SLC44A1: variants seen among roughly 807,000 people sequenced by gnomAD.
SLC44A1 encodes the protein solute carrier family 44 member 1, also known as choline transporter-like protein 1.
In SLC44A1, 26 loss-of-function variants were observed where a neutral mutation model predicts 79.3. The observed-to-expected ratio is 0.33, with a 90% confidence interval of 0.24 to 0.46. The LOEUF is 0.46. SLC44A1 is among the 20% of genes least tolerant of loss of function. SLC44A1 has a pLI of 1.00. For missense variants in SLC44A1, 688 were observed against 798.1 expected, an observed-to-expected ratio of 0.86 and a Z score of 1.66; for synonymous variants, 263 against 286.2, an observed-to-expected ratio of 0.92 and a Z score of 0.82.
chr9:105,322,352 G>T (rs1826419610), intron 3 of SLC44A1, among the ~76,000 whole-genome samples: 1 of 152,154 alleles, frequency 6.6e-6, no homozygotes, highest in Non-Finnish European at 1.5e-5. Flanking sequence ...GGTAGATGGG[G>T]CCAGTGATGC....
intron 1 of SLC44A1, among the ~76,000 whole-genome samples, chr9:105,294,451 G>GT (rs559972103): frequency 2.2e-4 from 32 of 145,088 alleles, no homozygotes; most frequent in African/African-American, 2.8e-4. Flanking sequence ...GTTGGTAGTT[G>GT]TTTTTTTTTT....
chr9:105,289,930 C>T (rs1319321924), intron 1 of SLC44A1, among the ~76,000 whole-genome samples: 1 of 151,934 alleles, frequency 6.6e-6, no homozygotes, highest in African/African-American at 2.4e-5. Context: ...TCTCCTGCCT[C>T]AGCCTCTTGA....
intron 11 of SLC44A1, 51 bp downstream of exon 11, chr9:105,365,690 A>G: frequency 6.6e-7 from 1 of 1,511,046 alleles, no homozygotes; most frequent in Non-Finnish European, 9.1e-7. Context: ...TCCAGACCTC[A>G]GTTCTGCATG....
At chr9:105,280,710 T>C (rs919565948) in intron 1 of SLC44A1, among the ~76,000 whole-genome samples, 1 of 152,194 alleles carries the variant, frequency 6.6e-6, no homozygotes, top group Non-Finnish European at 1.5e-5. Flanking sequence ...GAAAAACAAA[T>C]TGGGTAACAA....
chr9:105,407,080 G>C (rs534536551), intron 15 of SLC44A1, among the ~76,000 whole-genome samples: 1 of 151,938 alleles, frequency 6.6e-6, no homozygotes, highest in East Asian at 1.9e-4. Flanking sequence ...TCAGTCTAAG[G>C]AGCAGAAAAA....
chr9:105,305,075 A>C (rs185445603), intron 2 of SLC44A1, among the ~76,000 whole-genome samples: 1 of 142,020 alleles, frequency 7.0e-6, no homozygotes, highest in African/African-American at 2.6e-5. Context: ...GGTTCAAGCA[A>C]TCCTCCTGCT....
downstream of SLC44A1, among the ~76,000 whole-genome samples, chr9:105,401,913 G>A (rs901054524): frequency 6.6e-6 from 1 of 152,172 alleles, no homozygotes; most frequent in Non-Finnish European, 1.5e-5. Context: ...AGAGTGCTTT[G>A]GAGCACACAG....
chr9:105,246,377 T>C (rs1253781121), intron 1 of SLC44A1, among the ~76,000 whole-genome samples: 7,825 of 151,242 alleles, frequency 0.052, 673 homozygotes, highest in African/African-American at 0.18. Context: ...TCCAGTCTTT[T>C]TTTTTTTTTT....
At chr9:105,256,481 G>A (rs368441067) in intron 1 of SLC44A1, among the ~76,000 whole-genome samples, 3 of 151,764 alleles carry the variant, frequency 2.0e-5, no homozygotes, top group Non-Finnish European at 4.4e-5. Flanking sequence ...GAGACTCCTC[G>A]TTTATCAAAG....
At chr9:105,277,865 G>A (rs72744227) in intron 1 of SLC44A1, among the ~76,000 whole-genome samples, 3,844 of 152,238 alleles carry the variant, frequency 0.025, 76 homozygotes, top group Non-Finnish European at 0.038. Flanking sequence ...AACTCTAACT[G>A]GTACTTGTTT....
chr9:105,362,073 CGTGTGT>C (rs146638340), intron 8 of SLC44A1, among the ~76,000 whole-genome samples: 2 of 149,938 alleles, frequency 1.3e-5, no homozygotes, highest in Non-Finnish European at 3.0e-5. Flanking sequence ...CGCGCGCGCG[CGTGTGT>C]GTGTGTGTGT....
intron 15 of SLC44A1, among the ~76,000 whole-genome samples, chr9:105,405,487 G>C (rs1246214686): frequency 6.6e-6 from 1 of 152,070 alleles, no homozygotes; most frequent in Non-Finnish European, 1.5e-5. Flanking sequence ...CTAGGCAAAT[G>C]CTAAATAAAG....
intron 15 of SLC44A1, among the ~76,000 whole-genome samples, chr9:105,419,822 G>A (rs1269850574): frequency 2.0e-5 from 3 of 149,506 alleles, no homozygotes; most frequent in Non-Finnish European, 4.4e-5. Flanking sequence ...GCTGAGACAG[G>A]AGAATCACTT....
chr9:105,347,955 A>G (rs1013718220), intron 4 of SLC44A1, among the ~76,000 whole-genome samples: 4 of 152,032 alleles, frequency 2.6e-5, no homozygotes, highest in Non-Finnish European at 5.9e-5. Context: ...TTCTACTCCT[A>G]CTAGCTCTGT....
chr9:105,399,471 A>T (rs1281248678), downstream of SLC44A1, among the ~76,000 whole-genome samples: 2 of 151,696 alleles, frequency 1.3e-5, no homozygotes, highest in Non-Finnish European at 2.9e-5. Context: ...AGCTTACAAC[A>T]AAATAAAACA....
exon 16 of SLC44A1, chr9:105,438,306 G>A: frequency 6.5e-7 from 1 of 1,549,682 alleles, no homozygotes; most frequent in Non-Finnish European, 8.7e-7. Flanking sequence ...CTGGTCTCAT[G>A]AGCCCTGAAG....
At chr9:105,351,172 A>G (rs982847078) in intron 5 of SLC44A1, among the ~76,000 whole-genome samples, 2 of 152,196 alleles carry the variant, frequency 1.3e-5, no homozygotes, top group African/African-American at 4.8e-5. Context: ...GTATTTGGGC[A>G]CCTCTGGATG....
At chr9:105,297,351 T>C (rs914202329) in intron 1 of SLC44A1, among the ~76,000 whole-genome samples, 2 of 152,230 alleles carry the variant, frequency 1.3e-5, no homozygotes, top group Admixed American at 1.3e-4. Context: ...CCCTAAATTC[T>C]TATGAAAATT....
downstream of SLC44A1, among the ~76,000 whole-genome samples, chr9:105,398,744 A>G (rs1250069471): frequency 6.6e-6 from 1 of 152,230 alleles, no homozygotes; most frequent in Non-Finnish European, 1.5e-5. Flanking sequence ...TGAAGGGTTC[A>G]GAAAGAAGCC....
Sources: allele counts gnomAD v4.1 joint callset (sites outside exome capture counted in the v4.1 genomes callset), GRCh38; gene constraint gnomAD v4.1.1; transcripts MANE v1.5; gene names NCBI Gene and HGNC (gene_info 2026-07-23, HGNC 2026-07-21).